LANCL2: variants seen among roughly 807,000 people sequenced by gnomAD.
LANCL2 encodes the protein LanC like glutathione S-transferase 2.
A neutral mutation model predicts 56.9 loss-of-function variants in LANCL2; 33 were observed. That is an observed-to-expected ratio of 0.58 (90% confidence interval 0.44 to 0.78). The LOEUF is 0.78. LANCL2 is among the 30% of genes least tolerant of loss of function. The pLI, the probability that LANCL2 is intolerant of heterozygous loss-of-function variation, is 0.00. For synonymous variants in LANCL2, 233 were observed against 228.2 expected (o/e 1.02, Z -0.19); for missense variants, 562 against 580.2 (o/e 0.97, Z 0.32).
In LANCL2 at chr7:55,400,197, G is replaced by T. The variant is rs145626456; in HGVS notation, c.678+93G>T. 1.6e-3 allele frequency: 1,797 copies of T among 1,103,308 alleles called. 19 individuals carry two copies. The South Asian group carries it at 0.018, about 11-fold the overall frequency. The allele number at this position is 1,103,308 out of a possible 1,614,324, so 68.3% of individuals were successfully genotyped here. ...ATTAACAGCTGGACTTTACTTCTAG[G>T]TAGCATTACTTTTTTAAAGCAACTC... On this transcript the variant is annotated intron_variant, in intron 4 of 8. Coordinates refer to ENST00000254770, the MANE Select transcript of LANCL2 (RefSeq NM_018697.4).
Position 55,411,962 on chromosome 7 carries a change from A to C in LANCL2, c.881A>C (p.Asp294Ala). Residue 294 changes from aspartate (D) to alanine (A), a missense_variant, in exon 6 of 9, where the codon GAT becomes GCT. Asp to Ala is a moderately radical substitution (Grantham distance 126). This residue lies in a region of LANCL2 where 378 missense variants were observed against 468.4 expected (regional missense o/e 0.81). Transcript: ENST00000254770. ...ACAGAAATGGTGAAACCCAGTATTG[A>C]TTATGTGCGCCACAAAAAATTCCGA... ...TLTEMVKPSI[D>A]YVRHKKFRSG... The C allele has an allele frequency of 6.2e-7, 1 of 1,614,236 alleles. No individual in the cohort carries two copies. The highest frequency in any genetic ancestry group is 8.5e-7 in the Non-Finnish European group (1 of 1,180,038).
intron 5 of LANCL2, among the ~76,000 whole-genome samples, chr7:55,409,550 CACA>C (rs1790449461): frequency 6.6e-6 from 1 of 152,060 alleles, no homozygotes; most frequent in South Asian, 2.1e-4. Context: ...TGGTGTCTAC[CACA>C]ACAAGGGAGT....
intron 1 of LANCL2, among the ~76,000 whole-genome samples, chr7:55,366,894 A>G (rs981717883): frequency 6.6e-6 from 1 of 152,218 alleles, no homozygotes; most frequent in African/African-American, 2.4e-5. Context: ...GGGAGAGTAA[A>G]GTGTGCGGGG....
At chr7:55,431,170 T>G in intron 8 of LANCL2, 56 bp from the exon 9 acceptor site, 1 of 1,267,412 alleles carries the variant, frequency 7.9e-7, no homozygotes, top group Non-Finnish European at 1.1e-6. Context: ...TAAAAGTCAC[T>G]GTTATAGACA....
chr7:55,383,457 T>C (rs1245920869), intron 1 of LANCL2, among the ~76,000 whole-genome samples: 1 of 152,192 alleles, frequency 6.6e-6, no homozygotes, highest in Non-Finnish European at 1.5e-5. Context: ...CCTAGCCTTT[T>C]AATATGCAAA....
At chr7:55,423,222 T>C (rs188588372) in intron 6 of LANCL2, among the ~76,000 whole-genome samples, 47 of 152,208 alleles carry the variant, frequency 3.1e-4, no homozygotes, top group Non-Finnish European at 5.4e-4. Context: ...AGAGCATGAG[T>C]GTATGTGGTG....
At chr7:55,417,031 G>C (rs1395642126) in intron 6 of LANCL2, among the ~76,000 whole-genome samples, 1 of 134,840 alleles carries the variant, frequency 7.4e-6, no homozygotes, top group Non-Finnish European at 1.5e-5. Context: ...CCAGGCTGGA[G>C]TGCAGTGGCA....
rs190930785 is a variant in LANCL2, at chr7:55,392,020, C to T, written c.322+110C>T. ...AAAATGGTAAAGATTTGGCCAGGCA[C>T]GGTGGCTGACGCCTGTAATCCCAGC... On this transcript the variant is annotated intron_variant, in intron 2 of 8. Transcript: ENST00000254770. The T allele has an allele frequency of 2.4e-3, 1,515 of 619,380 alleles. 4 individuals are homozygous for T. Among genetic ancestry groups the T allele is most frequent in the Non-Finnish European group, 2.9e-3 (1,024 of 349,178 alleles). 38.4% of individuals were successfully genotyped at this position (619,380 alleles called of 1,614,324 possible). A position where few individuals can be genotyped will look rare whatever the true frequency, so the allele number is the denominator to read the frequency against.
At chr7:55,386,045 GTTA>G (rs1394410522) in intron 1 of LANCL2, among the ~76,000 whole-genome samples, 1 of 152,182 alleles carries the variant, frequency 6.6e-6, no homozygotes, top group Admixed American at 6.5e-5. Context: ...AGAGTTTAAG[GTTA>G]TCTCTCTTAT....
intron 5 of LANCL2, among the ~76,000 whole-genome samples, 195 bp downstream of exon 5, chr7:55,401,515 CTTT>C (rs58005456): frequency 0.038 from 2,207 of 57,860 alleles, 29 homozygotes; most frequent in African/African-American, 0.11. Context: ...GGTATGGAGT[CTTT>C]TTTTTTTTTT....
intron 6 of LANCL2, among the ~76,000 whole-genome samples, chr7:55,419,621 C>T (rs1490376308): frequency 6.6e-6 from 1 of 151,928 alleles, no homozygotes; most frequent in East Asian, 1.9e-4. Context: ...AGGCTGGTCT[C>T]GAACTCCTGA....
chr7:55,385,659 C>T (rs1339617494), intron 1 of LANCL2, among the ~76,000 whole-genome samples: 2 of 152,044 alleles, frequency 1.3e-5, no homozygotes, highest in Non-Finnish European at 2.9e-5. Context: ...GGAGGCAGGG[C>T]GAGATCACAG....
chr7:55,425,396 C>G lies in LANCL2; in HGVS notation c.1151C>G (p.Thr384Arg). The G allele has an allele frequency of 6.2e-7, 1 of 1,614,144 alleles. No homozygotes were observed. Among genetic ancestry groups the G allele is most frequent in the Non-Finnish European group, 8.5e-7 (1 of 1,180,022 alleles). Residue 384 changes from threonine to arginine, a missense_variant, in exon 7 of 9, where the codon ACG (threonine) becomes AGG (arginine). Coordinates refer to ENST00000254770, the MANE Select transcript of LANCL2 (RefSeq NM_018697.4). ...TCCTTCCTGTCCCTTTACCGTCTCA[C>G]GCAGGATAAGAAGTACCTCTACCGA... ...GYSFLSLYRL[T>R]QDKKYLYRAC...
Position 55,414,780 on chromosome 7 carries a change from G to A in LANCL2, c.1008+2691G>A, listed in dbSNP as rs142583027. Among the ~76,000 whole-genome samples, 917 of 152,036 alleles carry A rather than the reference G, an allele frequency of 6.0e-3. 11 individuals carry two copies. Among genetic ancestry groups the A allele is most frequent in the African/African-American group, 0.021 (860 of 41,460 alleles). The stretch of plus-strand genomic sequence containing the variant: ...GGGTTGCTTGAGCCCAGGAGTTGGA[G>A]ATCAGCCTGGGCAACATGGCAAAAC... On this transcript the variant is annotated intron_variant, in intron 6 of 8. Coordinates refer to ENST00000254770, the MANE Select transcript of LANCL2 (RefSeq NM_018697.4).
At chr7:55,405,900 A>T (rs1487490732) in intron 5 of LANCL2, among the ~76,000 whole-genome samples, 3 of 31,020 alleles carry the variant, frequency 9.7e-5, no homozygotes, top group Admixed American at 3.7e-4. Context: ...GGCGTGGTAG[A>T]GCCAGCATGG....
chr7:55,419,156 T>A (rs938701909), intron 6 of LANCL2, among the ~76,000 whole-genome samples: 3 of 152,116 alleles, frequency 2.0e-5, no homozygotes, highest in African/African-American at 7.2e-5. Context: ...TGTTTTCTCT[T>A]ATTTTCAGAA....
At position 55,378,777 on chromosome 7, in the gene LANCL2, T is replaced by C. The variant is rs188987126; in HGVS notation, c.204+12548T>C. 7.3e-4 allele frequency among the ~76,000 whole-genome samples: 111 copies of C among 152,300 alleles called. 1 individual carries two copies. The highest frequency in any genetic ancestry group is 6.8e-3 in the Middle Eastern group (2 of 294). ...CAAAGGGCAGAGAAATGAAAGGTTTTTGCAATTAAATTCTGGCAAATATTA... is the reference window on the plus strand; with the variant it reads ...CAAAGGGCAGAGAAATGAAAGGTTTCTGCAATTAAATTCTGGCAAATATTA... On this transcript the variant is annotated intron_variant, in intron 1 of 8. Coordinates refer to ENST00000254770, the MANE Select transcript of LANCL2 (RefSeq NM_018697.4).
chr7:55,384,920 C>T (rs1397917185), intron 1 of LANCL2, among the ~76,000 whole-genome samples: 1 of 152,184 alleles, frequency 6.6e-6, no homozygotes, highest in African/African-American at 2.4e-5. Context: ...GGCATGATGG[C>T]TCATGCTTGT....
At chr7:55,421,591 C>G (rs1482878421) in intron 6 of LANCL2, among the ~76,000 whole-genome samples, 7 of 152,168 alleles carry the variant, frequency 4.6e-5, no homozygotes, top group African/African-American at 1.7e-4. Context: ...AATCCGCCAG[C>G]CTCGGCCTCC....
Sources: allele counts gnomAD v4.1 joint callset (sites outside exome capture counted in the v4.1 genomes callset), GRCh38; gene constraint gnomAD v4.1.1; regional missense constraint gnomAD v4.1.1; transcripts MANE v1.5; gene names NCBI Gene and HGNC (gene_info 2026-07-23, HGNC 2026-07-21).